Variants in MTHFD2L observed in about 807,000 individuals in gnomAD.
MTHFD2L encodes bifunctional methylenetetrahydrofolate dehydrogenase/cyclohydrolase 2, mitochondrial.
A neutral mutation model predicts 34.9 loss-of-function variants in MTHFD2L; 29 were observed. That is an observed-to-expected ratio of 0.83 (90% CI 0.62 to 1.13). MTHFD2L has a LOEUF of 1.13. Among genes scored for constraint, MTHFD2L ranks in the 50% most tolerant of loss-of-function variants. The pLI is 0.00. For synonymous variants in MTHFD2L, 167 were observed against 155.7 expected, an observed-to-expected ratio of 1.07 and a Z score of -0.54; for missense variants, 481 against 446.5, an observed-to-expected ratio of 1.08 and a Z score of -0.70.
chr4:74,149,524 C>G (rs908622154), intron 1 of MTHFD2L, among the ~76,000 whole-genome samples: 1 of 152,080 alleles, frequency 6.6e-6, no homozygotes, highest in African/African-American at 2.4e-5. Context: ...ATGTTAAACT[C>G]AAATAACAAA....
At chr4:74,228,533 C>T (rs1739529422) in intron 6 of MTHFD2L, among the ~76,000 whole-genome samples, 1 of 152,138 alleles carries the variant, frequency 6.6e-6, no homozygotes, top group Non-Finnish European at 1.5e-5. Flanking sequence ...CCTTCCTACT[C>T]GTGGTTTGTT....
intron 3 of MTHFD2L, among the ~76,000 whole-genome samples, chr4:74,189,485 CT>C (rs55665552): frequency 0.018 from 2,184 of 119,742 alleles, 81 homozygotes; most frequent in African/African-American, 0.078. Flanking sequence ...GTTTTTCTTC[CT>C]TTTTTTTTTT....
chr4:74,166,127 A>C (rs1210569117), intron 1 of MTHFD2L, among the ~76,000 whole-genome samples: 1 of 152,264 alleles, frequency 6.6e-6, no homozygotes, highest in Non-Finnish European at 1.5e-5. Context: ...GTATTTATTT[A>C]CTAATTCTGC....
At chr4:74,204,791 CATGTATGA>C (rs1157459750) in intron 5 of MTHFD2L, among the ~76,000 whole-genome samples, 1 of 151,888 alleles carries the variant, frequency 6.6e-6, no homozygotes, top group Non-Finnish European at 1.5e-5. Flanking sequence ...TATTTTTTAT[CATGTATGA>C]TTTATTTATA....
intron 7 of MTHFD2L, among the ~76,000 whole-genome samples, chr4:74,294,267 GA>G (rs1316440888): frequency 6.6e-6 from 1 of 152,212 alleles, no homozygotes; most frequent in East Asian, 1.9e-4. Context: ...GATACATCTG[GA>G]AATGCCATTA....
At chr4:74,247,210 G>T (rs1187099704) in intron 6 of MTHFD2L, among the ~76,000 whole-genome samples, 2 of 151,752 alleles carry the variant, frequency 1.3e-5, no homozygotes, top group South Asian at 2.1e-4. Flanking sequence ...TTGTAAGTTG[G>T]ATTCCTAGGT....
rs1728679194 is a variant in MTHFD2L at position 74,174,640 on chromosome 4, C to T, written c.278C>T (p.Pro93Leu). 1.9e-6 allele frequency: 3 copies of T among 1,599,644 alleles called. No individual in the cohort carries two copies. Among genetic ancestry groups the T allele is most frequent in the Non-Finnish European group, 2.6e-6 (3 of 1,173,880 alleles). ...HLSIILVGDN[P>L]ASHTYVRNKI... ...AGTATAATTTTAGTGGGAGATAACC[C>T]AGCAAGCCATACATATGTCAGGAAT... Residue 93 changes from proline to leucine, a missense_variant, in exon 2 of 8, where the codon CCA becomes CTA. By Grantham distance (98) the Pro-to-Leu change is moderately conservative (BLOSUM62 -3). Coordinates refer to ENST00000325278, the MANE Select transcript of MTHFD2L (RefSeq NM_001144978.3).
At chr4:74,177,816 T>C (rs1351023121) in intron 3 of MTHFD2L, among the ~76,000 whole-genome samples, 2 of 151,952 alleles carry the variant, frequency 1.3e-5, no homozygotes. Context: ...ATGCTGCACA[T>C]TGCAGCATTA....
At chr4:74,120,686 A>C (rs892471556), upstream of MTHFD2L, among the ~76,000 whole-genome samples, 7 of 152,224 alleles carry the variant, frequency 4.6e-5, no homozygotes, top group African/African-American at 1.7e-4. Context: ...ATTAAAGTGC[A>C]TGCCCTTAAC....
intron 5 of MTHFD2L, among the ~76,000 whole-genome samples, chr4:74,214,213 A>C (rs1351591600): frequency 1.3e-5 from 2 of 151,820 alleles, no homozygotes; most frequent in Non-Finnish European, 2.9e-5. Flanking sequence ...ACTTCTGTCA[A>C]TTCATCAAAC....
chr4:74,219,635 G>A (rs1283401889), intron 5 of MTHFD2L, among the ~76,000 whole-genome samples: 3 of 152,126 alleles, frequency 2.0e-5, no homozygotes, highest in Non-Finnish European at 1.5e-5. Flanking sequence ...TAGGTGTCAG[G>A]ACCAGGAACA....
upstream of MTHFD2L, among the ~76,000 whole-genome samples, chr4:74,153,728 C>T (rs1352667636): frequency 6.6e-6 from 1 of 152,094 alleles, no homozygotes; most frequent in Non-Finnish European, 1.5e-5. Context: ...CTAATATATA[C>T]CTACCCTGGC....
In MTHFD2L at chr4:74,230,628, T is replaced by G. The variant is rs529247378; in HGVS notation, c.805+5234T>G. Among the ~76,000 whole-genome samples, 8 of 149,514 alleles carry G rather than the reference T, an allele frequency of 5.4e-5. No homozygotes were observed. The East Asian group carries it at 9.8e-4, about 18-fold the overall frequency. ...AAAGAAAAAAGAAAAAAAGAAATTATGGGAAAGGTGAAGAAAGAGTAAGGA... is the reference window on the plus strand; with the variant it reads ...AAAGAAAAAAGAAAAAAAGAAATTAGGGGAAAGGTGAAGAAAGAGTAAGGA... On this transcript the variant is annotated intron_variant, in intron 6 of 7. Coordinates refer to ENST00000325278, the MANE Select transcript of MTHFD2L (RefSeq NM_001144978.3).
In MTHFD2L at chr4:74,250,141, C is replaced by G. The variant is rs191550640; in HGVS notation, c.805+24747C>G. 6.0e-4 allele frequency among the ~76,000 whole-genome samples: 91 copies of G among 152,292 alleles called. No homozygotes were observed. In the East Asian group the frequency reaches 0.015, roughly 25 times the overall value. On this transcript the variant is annotated intron_variant, in intron 6 of 7. Transcript: ENST00000325278. Reference sequence around the variant, plus strand: ...CAATCAGACGCAGATTTGGTCTTTTCACGTAGTCCCATATTTCTTGGAGGC... The same window carrying G: ...CAATCAGACGCAGATTTGGTCTTTTGACGTAGTCCCATATTTCTTGGAGGC...
At chr4:74,152,263 TATC>T (rs1369420920) in intron 1 of MTHFD2L, among the ~76,000 whole-genome samples, 2 of 152,080 alleles carry the variant, frequency 1.3e-5, no homozygotes, top group African/African-American at 2.4e-5. Flanking sequence ...TAGTATGACT[TATC>T]ATATTTTGAG....
rs1419085838 is a variant in MTHFD2L at position 74,246,328 on chromosome 4, TG to T, written c.805+20935del. ...TTGCCCACTTTTTGATGGGGTTGTT[TG>T]TTTTTTTCTTGTAAATTTGTTTGAG... On this transcript the variant is annotated intron_variant, in intron 6 of 7. Transcript: ENST00000325278. Among the ~76,000 whole-genome samples the T allele has an allele frequency of 1.4e-4, 21 of 151,986 alleles. 1 individual carries two copies. The highest frequency in any genetic ancestry group is 2.6e-4 in the Admixed American group (4 of 15,264).
intron 1 of MTHFD2L, among the ~76,000 whole-genome samples, chr4:74,150,534 G>A (rs1249179649): frequency 2.0e-5 from 3 of 152,170 alleles, no homozygotes; most frequent in Non-Finnish European, 1.5e-5. Context: ...GATTACAGGC[G>A]TAAGCCACCG....
chr4:74,239,175 G>T (rs1282549865), intron 6 of MTHFD2L, among the ~76,000 whole-genome samples: 14 of 152,184 alleles, frequency 9.2e-5, no homozygotes, highest in Non-Finnish European at 1.2e-4. Context: ...ATGAGTTCAT[G>T]TCCTTTGCAA....
upstream of MTHFD2L, chr4:74,158,022 T>C: frequency 2.8e-6 from 4 of 1,449,046 alleles, no homozygotes; most frequent in Non-Finnish European, 3.7e-6. Flanking sequence ...GGAACCTGGC[T>C]GGGAAGCGCT....
Sources: gnomAD v4.1 joint callset for allele counts (sites outside exome capture counted in the v4.1 genomes callset) on GRCh38, gnomAD v4.1.1 for gene constraint, MANE v1.5 for transcripts, NCBI Gene and HGNC (gene_info 2026-07-23, HGNC 2026-07-21) for gene names.